The following ERP44 variants were observed in gnomAD, a reference collection of about 807,000 sequenced individuals.
ERP44 encodes the protein endoplasmic reticulum protein 44.
ERP44 carries 25 observed loss-of-function variants against 53.4 expected under a neutral mutation model. That is an observed-to-expected ratio of 0.47 (90% CI 0.34 to 0.65). The LOEUF (loss-of-function observed/expected upper bound fraction) is 0.65, where lower values mean the gene tolerates loss of function less well. Among genes scored for constraint, ERP44 ranks in the 30% least tolerant of loss-of-function variants. The probability of loss-of-function intolerance (pLI) is 0.01; values close to 1 mark genes in which losing one functional copy is unlikely to be tolerated. For synonymous variants in ERP44, 145 were observed against 161.2 expected (o/e 0.90, Z 0.76); for missense variants, 338 against 493.2 (o/e 0.69, Z 2.98).
chr9:100,006,772 G>T, intron 9 of ERP44, 125 bp from the exon 10 acceptor site: 1 of 606,610 alleles, frequency 1.6e-6, no homozygotes, highest in Non-Finnish European at 2.7e-6. Flanking sequence ...GAGTAATATA[G>T]ATCAGAAAAA....
chr9:99,990,782 G>A (rs763125995), intron 10 of ERP44, among the ~76,000 whole-genome samples: 15 of 152,076 alleles, frequency 9.9e-5, no homozygotes, highest in Non-Finnish European at 2.1e-4. Flanking sequence ...CTCACGTGCA[G>A]AGACACACAT....
intron 5 of ERP44, among the ~76,000 whole-genome samples, chr9:100,021,060 A>C (rs537577069): frequency 3.0e-4 from 46 of 152,320 alleles, no homozygotes; most frequent in Non-Finnish European, 5.7e-4. Flanking sequence ...TGTATCAATC[A>C]TAACTTGTGA....
intron 3 of ERP44, among the ~76,000 whole-genome samples, chr9:100,054,047 AAGG>A (rs977780606): frequency 2.6e-5 from 4 of 152,112 alleles, no homozygotes; most frequent in Admixed American, 1.3e-4. Flanking sequence ...CTGACTTCCT[AAGG>A]AGATGTCCTA....
intron 6 of ERP44, 66 bp from the exon 7 acceptor site, chr9:100,018,379 T>C: frequency 1.1e-6 from 1 of 881,564 alleles, no homozygotes; most frequent in Non-Finnish European, 1.9e-6. Flanking sequence ...AATTACAGAC[T>C]TGAAATATAT....
chr9:100,020,875 CACCT>C (rs1356636417), intron 5 of ERP44, 144 bp from the exon 6 acceptor site: 2 of 540,448 alleles, frequency 3.7e-6, no homozygotes, highest in African/African-American at 3.8e-5. Flanking sequence ...TAGTTTTTAA[CACCT>C]AGTCCAAAAC....
chr9:99,982,587 G>A lies in ERP44; in HGVS notation c.*25C>T, dbSNP rs963018256. ...ACGTAGGTTGATGCTGCTGTTGAAA[G>A]GCTTACAAACTGTTTTTCAAGTTTT... On this transcript the variant is annotated 3_prime_UTR_variant, in exon 12 of 12. Coordinates refer to ENST00000262455, the MANE Select transcript of ERP44 (RefSeq NM_015051.3). 2.0e-5 allele frequency: 25 copies of A among 1,270,716 alleles called. No individual in the cohort carries two copies. In the African/African-American group the frequency reaches 2.9e-4, roughly 15 times the overall value. 78.7% of individuals were successfully genotyped at this position (1,270,716 alleles called of 1,614,324 possible).
At chr9:100,057,719 G>C in intron 3 of ERP44, 101 bp downstream of exon 3, 1 of 828,160 alleles carries the variant, frequency 1.2e-6, no homozygotes. Flanking sequence ...ATGGAATACT[G>C]TCTTGAAATA....
intron 1 of ERP44, among the ~76,000 whole-genome samples, chr9:100,062,863 A>G (rs913855521): frequency 2.0e-5 from 3 of 152,036 alleles, no homozygotes; most frequent in Non-Finnish European, 4.4e-5. Context: ...CCTTGAGGCC[A>G]GAAGTTTAAG....
intron 10 of ERP44, among the ~76,000 whole-genome samples, chr9:99,997,237 C>T (rs188597733): frequency 6.9e-4 from 105 of 152,250 alleles, no homozygotes; most frequent in Middle Eastern, 3.4e-3. Flanking sequence ...TTTTCCACAG[C>T]GGCTGTACTA....
At chr9:100,012,089 A>G (rs1830481950) in intron 8 of ERP44, among the ~76,000 whole-genome samples, 1 of 152,172 alleles carries the variant, frequency 6.6e-6, no homozygotes, top group Non-Finnish European at 1.5e-5. Flanking sequence ...GAATCTCAGG[A>G]ACAAAAGAAA....
At chr9:100,067,633 C>A (rs1172225168) in intron 1 of ERP44, among the ~76,000 whole-genome samples, 1 of 152,084 alleles carries the variant, frequency 6.6e-6, no homozygotes, top group Non-Finnish European at 1.5e-5. Flanking sequence ...AAGTGAGGAG[C>A]GTCTCTGCCT....
chr9:100,012,724 T>C (rs941492747), intron 8 of ERP44, among the ~76,000 whole-genome samples: 2 of 152,140 alleles, frequency 1.3e-5, no homozygotes, highest in African/African-American at 4.8e-5. Flanking sequence ...AAAAAGTCTT[T>C]TAAAGAGTTT....
chr9:100,062,326 C>T (rs1826160027), intron 1 of ERP44, among the ~76,000 whole-genome samples: 1 of 152,060 alleles, frequency 6.6e-6, no homozygotes, highest in African/African-American at 2.4e-5. Flanking sequence ...AGATATGAAC[C>T]TAGAGATGGG....
At chr9:100,022,339 T>G (rs1830600877) in intron 4 of ERP44, 113 bp from the exon 5 acceptor site, 1 of 670,438 alleles carries the variant, frequency 1.5e-6, no homozygotes, top group Non-Finnish European at 2.4e-6. Context: ...TTCAAGTCAT[T>G]GTTTTTCAGT....
At chr9:100,083,023 A>G (rs1188892821) in intron 1 of ERP44, among the ~76,000 whole-genome samples, 4 of 152,110 alleles carry the variant, frequency 2.6e-5, no homozygotes, top group Non-Finnish European at 5.9e-5. Flanking sequence ...CACAAACACA[A>G]GCACACTTAC....
At chr9:100,074,463 GA>G (rs1301269269) in intron 1 of ERP44, among the ~76,000 whole-genome samples, 1 of 152,112 alleles carries the variant, frequency 6.6e-6, no homozygotes, top group Non-Finnish European at 1.5e-5. Flanking sequence ...TTTATATAAG[GA>G]AAAAACTTGT....
intron 1 of ERP44, among the ~76,000 whole-genome samples, chr9:100,081,019 A>C (rs1281754844): frequency 6.6e-6 from 1 of 152,034 alleles, no homozygotes; most frequent in Non-Finnish European, 1.5e-5. Flanking sequence ...AAATATATTT[A>C]GAAAAACTGA....
chr9:99,998,457 C>G (rs1367208791), intron 10 of ERP44: 1 of 674,414 alleles, frequency 1.5e-6, no homozygotes, highest in East Asian at 2.7e-5. Flanking sequence ...GGACCGTCAT[C>G]ACACCTCTGC....
intron 10 of ERP44, among the ~76,000 whole-genome samples, chr9:99,996,753 T>C (rs1830313244): frequency 2.0e-5 from 3 of 152,138 alleles, no homozygotes; most frequent in Admixed American, 2.0e-4. Context: ...ATAGCTTAGC[T>C]CCCACATATC....
Sources: gnomAD v4.1 joint callset for allele counts (sites outside exome capture counted in the v4.1 genomes callset) on GRCh38, gnomAD v4.1.1 for gene constraint, MANE v1.5 for transcripts, NCBI Gene and HGNC (gene_info 2026-07-23, HGNC 2026-07-21) for gene names.